PIEZO1: variants seen among roughly 807,000 people sequenced by gnomAD.
PIEZO1 encodes piezo type mechanosensitive ion channel component 1 (Er blood group).
A neutral mutation model predicts 297.2 loss-of-function variants in PIEZO1; 296 were observed. That is an observed-to-expected ratio of 1.00 (90% confidence interval 0.91 to 1.10). The LOEUF is 1.10. PIEZO1 is among the 50% of genes least tolerant of loss of function. PIEZO1 has a pLI of 0.00. For missense variants in PIEZO1, 5,018 were observed against 3,455.5 expected (o/e 1.45, Z -11.34); for synonymous variants, 2,427 against 1,507.5 (o/e 1.61, Z -14.13).
intron 1 of PIEZO1, among the ~76,000 whole-genome samples, chr16:88,758,832 T>A (rs1328217657): frequency 6.6e-6 from 1 of 152,226 alleles, no homozygotes; most frequent in African/African-American, 2.4e-5. Context: ...CAACAGTGCC[T>A]GACACATAGC....
intron 22 of PIEZO1, 147 bp from the exon 23 acceptor site, chr16:88,727,808 G>C (rs1690098083): frequency 2.2e-6 from 1 of 450,860 alleles, no homozygotes; most frequent in African/African-American, 2.0e-5. Flanking sequence ...AGAACTGACA[G>C]CTCTAGTGTC....
chr16:88,762,355 C>CTG (rs1906971621), intron 1 of PIEZO1, among the ~76,000 whole-genome samples: 1 of 152,230 alleles, frequency 6.6e-6, no homozygotes, highest in African/African-American at 2.4e-5. Flanking sequence ...GCCTCCCCCA[C>CTG]CTGAGGTCAG....
chr16:88,717,250 C>T (rs1424104013), intron 44 of PIEZO1, 39 bp from the exon 45 acceptor site: 9 of 1,526,238 alleles, frequency 5.9e-6, no homozygotes, highest in Non-Finnish European at 7.9e-6. Context: ...TCAGCTCTGC[C>T]CTTCCTGCGG....
intron 30 of PIEZO1, among the ~76,000 whole-genome samples, chr16:88,724,244 G>A (rs1462934796): frequency 1.3e-5 from 2 of 152,244 alleles, no homozygotes; most frequent in Admixed American, 6.5e-5. Context: ...TAGAAAAACA[G>A]AACAGGCCGG....
At chr16:88,747,968 A>C (rs1010471159) in intron 2 of PIEZO1, among the ~76,000 whole-genome samples, 1 of 152,004 alleles carries the variant, frequency 6.6e-6, no homozygotes, top group African/African-American at 2.4e-5. Context: ...CCCTGGAAAA[A>C]CGCAGCCCGG....
chr16:88,733,796 C>G (rs1215122666), intron 17 of PIEZO1, 51 bp from the exon 18 acceptor site: 6 of 1,481,018 alleles, frequency 4.1e-6, no homozygotes, highest in Admixed American at 2.3e-5. Context: ...TTCCCGGGTC[C>G]CCTGTGAGGA....
In PIEZO1 at chr16:88,779,036, C is replaced by CTTT. The variant is rs34383297; in HGVS notation, c.64+5862_64+5864dup. Among the ~76,000 whole-genome samples, 153 of 135,130 alleles carry CTTT rather than the reference C, an allele frequency of 1.1e-3. 3 individuals are homozygous for CTTT. Among genetic ancestry groups the CTTT allele is most frequent in the African/African-American group, 3.7e-3 (133 of 35,772 alleles). The allele number at this position is 135,130 out of a possible 152,430, so 88.7% of individuals were successfully genotyped here. ...GAATTTAATCTGATTTACGACTTCA[C>CTTT]TTTTTTTTTTTTTTTTTGAGAGGGA... On this transcript the variant is annotated intron_variant, in intron 1 of 50. Transcript: ENST00000301015.
intron 1 of PIEZO1, among the ~76,000 whole-genome samples, chr16:88,754,896 C>T (rs16964956): frequency 2.6e-4 from 40 of 152,312 alleles, no homozygotes; most frequent in African/African-American, 8.7e-4. Context: ...TGTGAACGAA[C>T]GCCCCGGCGT....
chr16:88,769,815 G>C (rs1297279772), intron 1 of PIEZO1, among the ~76,000 whole-genome samples: 4 of 152,216 alleles, frequency 2.6e-5, no homozygotes, highest in Non-Finnish European at 1.5e-5. Flanking sequence ...GCCAGGACGA[G>C]CCTCATGTCA....
At chr16:88,736,786 C>T (rs774456840) in intron 10 of PIEZO1, 47 bp from the exon 11 acceptor site, 114 of 1,257,290 alleles carry the variant, frequency 9.1e-5, no homozygotes, top group Admixed American at 2.5e-4. Flanking sequence ...ATCTGCAGGC[C>T]TCCCCACCCT....
chr16:88,752,444 C>T (rs796180088), intron 1 of PIEZO1, among the ~76,000 whole-genome samples: 3 of 152,150 alleles, frequency 2.0e-5, no homozygotes, highest in South Asian at 4.1e-4. Context: ...ATCACGCTGC[C>T]GCACTCCAGC....
At position 88,720,711 on chromosome 16, in the gene PIEZO1, C is replaced by T. The variant is rs12445112; in HGVS notation, c.5706G>A (p.Glu1902=). The T allele has an allele frequency of 4.6e-6, 7 of 1,532,718 alleles. No individual in the cohort carries two copies. The highest frequency in any genetic ancestry group is 2.1e-5 in the Admixed American group (1 of 46,986). The allele number at this position is 1,532,718 out of a possible 1,614,324, so 94.9% of individuals were successfully genotyped here. ...EDREEEEGEE[E]KEAPTGREKR... ...TCTCTCTCCCCGTGGGGGCCTCTTT[C>T]TCTTCCTCCCCCTCTTCTTCCTCCC... The change falls in exon 40 of 51, where the codon GAG becomes GAA. Residue 1902 remains glutamate, a synonymous_variant. Coordinates refer to ENST00000301015, the MANE Select transcript of PIEZO1 (RefSeq NM_001142864.4).
At chr16:88,764,244 C>T (rs1907065026) in intron 1 of PIEZO1, among the ~76,000 whole-genome samples, 1 of 152,146 alleles carries the variant, frequency 6.6e-6, no homozygotes, top group Admixed American at 6.5e-5. Flanking sequence ...AGATGGGGTC[C>T]TCTTGAAGCC....
intron 1 of PIEZO1, 102 bp downstream of exon 1, chr16:88,784,799 G>A: frequency 1.2e-6 from 1 of 830,692 alleles, no homozygotes; most frequent in Non-Finnish European, 1.7e-6. Context: ...GCGCCCGCTC[G>A]CCCGCAGCCC....
At position 88,723,337 on chromosome 16, in the gene PIEZO1, C is replaced by G. The variant is rs1219518764; in HGVS notation, c.4336-9G>C. 6.5e-7 allele frequency: 1 copy of G among 1,537,036 alleles called. No homozygotes were observed. ...CATGCCTGGTACGCCAGCTGTCGGCCAGCCCCCGGGTTAGGACCCGGCCTC... is the reference window on the plus strand; with the variant it reads ...CATGCCTGGTACGCCAGCTGTCGGCGAGCCCCCGGGTTAGGACCCGGCCTC... On this transcript the variant is annotated splice_polypyrimidine_tract_variant and intron_variant, in intron 31 of 50. Transcript: ENST00000301015.
chr16:88,715,928 C>A lies in PIEZO1; in HGVS notation c.7316+5G>T, dbSNP rs1286145537. On this transcript the variant is annotated splice_donor_5th_base_variant and intron_variant, in intron 50 of 50. Coordinates refer to ENST00000301015, the MANE Select transcript of PIEZO1 (RefSeq NM_001142864.4). Reference sequence around the variant, plus strand: ...TGCGGGGTGCCCCCCCAGCCACTCACTCACCCGTAGCCAGCCAGGAAGCCG... The same window carrying A: ...TGCGGGGTGCCCCCCCAGCCACTCAATCACCCGTAGCCAGCCAGGAAGCCG... 6.5e-7 allele frequency: 1 copy of A among 1,548,304 alleles called. No individual in the cohort carries two copies. The highest frequency in any genetic ancestry group is 8.7e-7 in the Non-Finnish European group (1 of 1,145,446).
chr16:88,737,571 G>T lies in PIEZO1; in HGVS notation c.1183C>A (p.Leu395Met), dbSNP rs746216732. The change falls in exon 10 of 51, where the codon CTG becomes ATG. Residue 395 changes from leucine to methionine, a missense_variant. Physicochemically the swap from Leu to Met is conservative, Grantham distance 15. Coordinates refer to ENST00000301015, the MANE Select transcript of PIEZO1 (RefSeq NM_001142864.4). ...GTGCGGTACTCACCAGGCCGCCGCA[G>T]GACGGAGCTCTGGCCGGTCAGCTCG... is the stretch of plus-strand genomic sequence containing the variant. Reference protein sequence around the residue: ...VHELTGQSSVLRRPVRPKRAE... With the variant: ...VHELTGQSSVMRRPVRPKRAE... 3.9e-6 allele frequency: 6 copies of T among 1,533,438 alleles called. No individual in the cohort carries two copies. Among genetic ancestry groups the T allele is most frequent in the Non-Finnish European group, 5.2e-6 (6 of 1,145,900 alleles). The allele number at this position is 1,533,438 out of a possible 1,614,324, so 95.0% of individuals were successfully genotyped here.
chr16:88,765,713 C>T (rs550160400), intron 1 of PIEZO1, among the ~76,000 whole-genome samples: 19 of 150,846 alleles, frequency 1.3e-4, no homozygotes, highest in Middle Eastern at 3.5e-3. Context: ...CTCTGTCGCC[C>T]GCCCAGGCTG....
rs1912319934 is a variant in PIEZO1, at chr16:88,720,068, C to G, written c.6164+1G>C. Reference sequence around the variant, plus strand: ...CCGAGCGCCCCCACGCGTGGGCCCACCTCTCAGTGACGGCGGGCAGGATGA... The same window carrying G: ...CCGAGCGCCCCCACGCGTGGGCCCAGCTCTCAGTGACGGCGGGCAGGATGA... On this transcript the variant is annotated splice_donor_variant, in intron 42 of 50. Transcript: ENST00000301015. LOFTEE classifies it high-confidence loss of function. The G allele has an allele frequency of 6.5e-7, 1 of 1,550,304 alleles. No individual in the cohort carries two copies. The highest frequency in any genetic ancestry group is 8.7e-7 in the Non-Finnish European group (1 of 1,146,926).
Sources: gnomAD v4.1 joint callset for allele counts (sites outside exome capture counted in the v4.1 genomes callset) on GRCh38, gnomAD v4.1.1 for gene constraint, MANE v1.5 for transcripts, NCBI Gene and HGNC (gene_info 2026-07-23, HGNC 2026-07-21) for gene names.